HAS3: variants seen among roughly 807,000 people sequenced by gnomAD.
HAS3 encodes the protein hyaluronan synthase 3.
HAS3 carries 27 observed loss-of-function variants against 50.3 expected under a neutral mutation model. The ratio of observed to expected loss-of-function variants is 0.54; its 90% CI spans 0.40 to 0.74. The LOEUF (loss-of-function observed/expected upper bound fraction) is 0.74, where lower values mean the gene tolerates loss of function less well. Ranked by LOEUF, HAS3 falls within the 30% of genes least tolerant of loss-of-function variation. The pLI, the probability that HAS3 is intolerant of heterozygous loss-of-function variation, is 0.00. For synonymous variants in HAS3, 339 were observed against 310.9 expected (o/e 1.09, Z -0.95); for missense variants, 517 against 742.8 (o/e 0.70, Z 3.53).
chr16:69,118,290 G>A (rs1961316449), downstream of HAS3: 1 of 1,048,716 alleles, frequency 9.5e-7, no homozygotes, highest in Non-Finnish European at 1.5e-6. Flanking sequence ...AGTCAGTCAA[G>A]CAGAAACTGC....
At chr16:69,112,919 G>A (rs1249494417) in intron 2 of HAS3, among the ~76,000 whole-genome samples, 2 of 152,236 alleles carry the variant, frequency 1.3e-5, no homozygotes, top group Admixed American at 1.3e-4. Context: ...TGAGGGCGCA[G>A]AGGCCAGCAG....
At chr16:69,086,520 TTATGTGTG>T in the HAS3 span, among the ~76,000 whole-genome samples, 2 of 126,654 alleles carry the variant, frequency 1.6e-5, no homozygotes, top group African/African-American at 5.9e-5. Flanking sequence ...ATTTTCTATA[TTATGTGTG>T]TGTGTGTGTG....
At chr16:69,099,517 G>A in the HAS3 span, among the ~76,000 whole-genome samples, 2 of 150,916 alleles carry the variant, frequency 1.3e-5, no homozygotes, top group Non-Finnish European at 2.9e-5. Flanking sequence ...TAGTAGAGGT[G>A]GGGTTTCACC....
chr16:69,085,862 A>G, the HAS3 span, among the ~76,000 whole-genome samples: 1 of 151,986 alleles, frequency 6.6e-6, no homozygotes, highest in Non-Finnish European at 1.5e-5. Context: ...TACAGGCATG[A>G]GCCACCGTGC....
chr16:69,094,282 G>A, the HAS3 span, among the ~76,000 whole-genome samples: 1 of 152,128 alleles, frequency 6.6e-6, no homozygotes, highest in African/African-American at 2.4e-5. Context: ...GCCACCTGGC[G>A]CTGGGGAGAA....
At chr16:69,118,362 G>A (rs906108066), downstream of HAS3, 7 of 1,604,126 alleles carry the variant, frequency 4.4e-6, no homozygotes, top group African/African-American at 1.3e-5. Flanking sequence ...AAGCCCCCAG[G>A]GAAAGGTATG....
At chr16:69,113,692 C>A in intron 3 of HAS3, 150 bp downstream of exon 3, 1 of 593,000 alleles carries the variant, frequency 1.7e-6, no homozygotes, top group Non-Finnish European at 3.0e-6. Context: ...AGAGCTCGCC[C>A]CCCTCACTGC....
upstream of HAS3, among the ~76,000 whole-genome samples, chr16:69,103,608 G>T (rs1452074028): frequency 6.6e-6 from 1 of 151,964 alleles, no homozygotes; most frequent in African/African-American, 2.4e-5. Flanking sequence ...TGTTGGCCAG[G>T]CTGGTCTCAA....
At chr16:69,100,414 A>G in the HAS3 span, among the ~76,000 whole-genome samples, 4 of 152,206 alleles carry the variant, frequency 2.6e-5, no homozygotes, top group African/African-American at 7.2e-5. Context: ...CATGGTGGTC[A>G]GCCCAGGGAA....
chr16:69,087,199 T>C, the HAS3 span, among the ~76,000 whole-genome samples: 1 of 152,134 alleles, frequency 6.6e-6, no homozygotes, highest in African/African-American at 2.4e-5. Flanking sequence ...CCTCTCCTTT[T>C]TCCCCTTCTA....
the HAS3 span, among the ~76,000 whole-genome samples, chr16:69,092,194 C>T: frequency 6.6e-6 from 1 of 152,212 alleles, no homozygotes; most frequent in Non-Finnish European, 1.5e-5. Flanking sequence ...CAAACCAGTA[C>T]TGGACCCAAG....
Position 69,115,542 on chromosome 16 carries a change from C to T in HAS3, c.*276C>T. On this transcript the variant is annotated 3_prime_UTR_variant, in exon 4 of 4. Coordinates refer to ENST00000569188, the MANE Select transcript of HAS3 (RefSeq NM_001199280.2). ...TCTGCACATAGGCAGTAGCCTCCTC[C>T]TGGGCTCCAGAGGGCACTCAGAAGT... 1 of 1,158,056 alleles carries T rather than the reference C, an allele frequency of 8.6e-7. No individual in the cohort carries two copies. Among genetic ancestry groups the T allele is most frequent in the Non-Finnish European group, 1.1e-6 (1 of 939,606 alleles). 71.7% of individuals were successfully genotyped at this position (1,158,056 alleles called of 1,614,324 possible).
rs1567581689 is a variant in HAS3 at position 69,114,326 on chromosome 16, T to C, written c.739-17T>C. 6.3e-7 allele frequency: 1 copy of C among 1,577,748 alleles called. No individual in the cohort carries two copies. The highest frequency in any genetic ancestry group is 1.1e-5 in the South Asian group (1 of 87,678). ...ACGTGCAACCTTAGGAGGCCCAGCA[T>C]CTCTATTCCCTTGCAGATCCTCAAC... On this transcript the variant is annotated splice_polypyrimidine_tract_variant and intron_variant, in intron 3 of 3. Transcript: ENST00000569188. The surrounding 1 kb of genome is among the most constrained non-coding windows in gnomAD (Gnocchi z 6.4).
At position 69,117,611 on chromosome 16, in the gene HAS3, T is replaced by C; in HGVS notation, c.*2345T>C. ...TTTTTTTAATTTTCAGGTCAAGTTT[T>C]TTATACTGCACTTATTTGTCAAAAT... On this transcript the variant is annotated 3_prime_UTR_variant, in exon 4 of 4. Transcript: ENST00000569188. 1 of 864,902 alleles carries C rather than the reference T, an allele frequency of 1.2e-6. No individual in the cohort carries two copies. Among genetic ancestry groups the C allele is most frequent in the Non-Finnish European group, 1.4e-6 (1 of 720,068 alleles). 53.6% of individuals were successfully genotyped at this position (864,902 alleles called of 1,614,324 possible).
intron 2 of HAS3, among the ~76,000 whole-genome samples, chr16:69,110,545 G>A (rs1228422656): frequency 1.3e-5 from 2 of 152,212 alleles, no homozygotes; most frequent in East Asian, 3.9e-4. Flanking sequence ...ATCCTCCCTA[G>A]TAACTGCGAT....
upstream of HAS3, among the ~76,000 whole-genome samples, chr16:69,104,906 GGT>G (rs1398000273): frequency 6.6e-6 from 1 of 151,542 alleles, no homozygotes; most frequent in African/African-American, 2.4e-5. Flanking sequence ...CTGCAGCTCA[GGT>G]GCCTATAAAT....
chr16:69,104,463 A>ATTT (rs903069319), upstream of HAS3, among the ~76,000 whole-genome samples: 2 of 151,762 alleles, frequency 1.3e-5, no homozygotes, highest in Non-Finnish European at 1.5e-5. Context: ...TGCCTGGCTA[A>ATTT]TTTTTGTATT....
chr16:69,107,235 C>A lies in HAS3; in HGVS notation c.-1+1448C>A. On this transcript the variant is annotated intron_variant, in intron 1 of 3. Transcript: ENST00000569188. This position sits in a 1 kb window ranked among gnomAD's most constrained non-coding sequence, Gnocchi z 5.5. ...GCCTGATTGCACGTGGGGTATCTGGCTGAGGGACATTTTGGGGGCCTCTAT... is the reference window on the plus strand; with the variant it reads ...GCCTGATTGCACGTGGGGTATCTGGATGAGGGACATTTTGGGGGCCTCTAT... The A allele has an allele frequency of 1.5e-6, 1 of 654,106 alleles. No homozygotes were observed. Among genetic ancestry groups the A allele is most frequent in the Non-Finnish European group, 1.9e-6 (1 of 529,620 alleles). 40.5% of individuals were successfully genotyped at this position (654,106 alleles called of 1,614,324 possible).
At position 69,117,396 on chromosome 16, in the gene HAS3, T is replaced by TAAG. The variant is rs1961231020; in HGVS notation, c.*2131_*2133dup. 1.0e-6 allele frequency: 1 copy of TAAG among 985,702 alleles called. No homozygotes were observed. The highest frequency in any genetic ancestry group is 1.2e-6 in the Non-Finnish European group (1 of 829,910). The allele number at this position is 985,702 out of a possible 1,614,324, so 61.1% of individuals were successfully genotyped here. A position where few individuals can be genotyped will look rare whatever the true frequency, so the allele number is the denominator to read the frequency against. The stretch of plus-strand genomic sequence containing the variant: ...AACGTTTGACCTCGACTGGTTTTTC[T>TAAG]AAGTTATTTTGTACATTTTTCAGCA... On this transcript the variant is annotated 3_prime_UTR_variant, in exon 4 of 4. Transcript: ENST00000569188.
Sources: allele counts gnomAD v4.1 joint callset (sites outside exome capture counted in the v4.1 genomes callset), GRCh38; gene constraint gnomAD v4.1.1; non-coding constraint Gnocchi (gnomAD v3.1); transcripts MANE v1.5; gene names NCBI Gene and HGNC (gene_info 2026-07-23, HGNC 2026-07-21).